SRBD1: variants seen among roughly 807,000 people sequenced by gnomAD.
The protein encoded by SRBD1 is S1 RNA-binding domain-containing protein 1.
A neutral mutation model predicts 115.3 loss-of-function variants in SRBD1; 88 were observed. The ratio of observed to expected loss-of-function variants is 0.76; its 90% confidence interval spans 0.64 to 0.91. The LOEUF is 0.91. SRBD1 is among the 40% of genes least tolerant of loss of function. The pLI is 0.00. For missense variants in SRBD1, 1,385 were observed against 1,177.4 expected (o/e 1.18, Z -2.58); for synonymous variants, 509 against 407.7 (o/e 1.25, Z -2.99).
At chr2:45,525,495 G>A (rs1462573845) in intron 14 of SRBD1, among the ~76,000 whole-genome samples, 1 of 151,920 alleles carries the variant, frequency 6.6e-6, no homozygotes, top group Non-Finnish European at 1.5e-5. Flanking sequence ...GTTATAGGAA[G>A]AATAAGTTTA....
At chr2:45,610,379 A>G (rs966217860) in intron 1 of SRBD1, among the ~76,000 whole-genome samples, 2 of 152,382 alleles carry the variant, frequency 1.3e-5, no homozygotes, top group African/African-American at 4.8e-5. Context: ...CTTGAATGTT[A>G]GCAGATTCCC....
intron 16 of SRBD1, among the ~76,000 whole-genome samples, chr2:45,438,245 C>T (rs904934117): frequency 6.6e-6 from 1 of 152,128 alleles, no homozygotes; most frequent in Non-Finnish European, 1.5e-5. Context: ...AGTTAATTAT[C>T]TGATTACCAG....
intron 3 of SRBD1, 49 bp from the exon 4 acceptor site, chr2:45,599,884 T>C (rs772589812): frequency 6.5e-7 from 1 of 1,539,278 alleles, no homozygotes; most frequent in South Asian, 1.2e-5. Context: ...TAAAAAGCAA[T>C]TTCCTGGGAC....
chr2:45,400,039 C>T (rs1324959695), intron 19 of SRBD1, among the ~76,000 whole-genome samples: 1 of 152,126 alleles, frequency 6.6e-6, no homozygotes, highest in Non-Finnish European at 1.5e-5. Flanking sequence ...GGGAAACAGC[C>T]TTTTTACTAT....
chr2:45,393,191 A>C, intron 19 of SRBD1, 62 bp from the exon 20 acceptor site: 1 of 1,472,518 alleles, frequency 6.8e-7, no homozygotes, highest in South Asian at 1.4e-5. Flanking sequence ...CAATCTCCTT[A>C]TACAGATCAC....
intron 14 of SRBD1, among the ~76,000 whole-genome samples, chr2:45,533,897 T>C (rs556324527): frequency 1.1e-4 from 16 of 152,170 alleles, no homozygotes; most frequent in South Asian, 2.1e-4. Flanking sequence ...AGAATCTTTA[T>C]TGGATCTGGC....
At position 45,573,221 on chromosome 2, in the gene SRBD1, T is replaced by G. The variant is rs376533311; in HGVS notation, c.1291A>C (p.Ile431Leu). The G allele has an allele frequency of 6.2e-7, 1 of 1,608,536 alleles. No individual in the cohort carries two copies. Among genetic ancestry groups the G allele is most frequent in the Non-Finnish European group, 8.5e-7 (1 of 1,178,134 alleles). Residue 431 changes from isoleucine (I) to leucine (L), a missense_variant, in exon 9 of 21, where the codon ATT (isoleucine) becomes CTT (leucine). By Grantham distance (5) the Ile-to-Leu change is conservative. Coordinates refer to ENST00000263736, the MANE Select transcript of SRBD1 (RefSeq NM_018079.5). ...TCTTTATTTACCTGATGATGGTGAA[T>G]GTTTCTTATGTTGCAGGAAAAATGC... is the stretch of plus-strand genomic sequence containing the variant. ...YQHFSCNIRN[I>L]HHHQILAINR...
At chr2:45,481,549 T>C (rs1057259728) in intron 15 of SRBD1, among the ~76,000 whole-genome samples, 20 of 152,094 alleles carry the variant, frequency 1.3e-4, no homozygotes, top group South Asian at 2.1e-4. Context: ...AGCAAAGTAA[T>C]AGAAGTCAAA....
At chr2:45,558,506 C>A (rs1435500509) in intron 10 of SRBD1, among the ~76,000 whole-genome samples, 1 of 151,852 alleles carries the variant, frequency 6.6e-6, no homozygotes, top group Admixed American at 6.6e-5. Flanking sequence ...TGAATCTGGA[C>A]CTAAATATTA....
chr2:45,475,441 C>G (rs1669776790), intron 16 of SRBD1, among the ~76,000 whole-genome samples: 1 of 152,180 alleles, frequency 6.6e-6, no homozygotes, highest in Non-Finnish European at 1.5e-5. Context: ...TAAACCTCTT[C>G]TATTACTTCT....
rs1669698190 is a variant in SRBD1 at position 45,473,047 on chromosome 2, G to T, written c.2049+3946C>A. On this transcript the variant is annotated intron_variant, in intron 16 of 20. Transcript: ENST00000263736. ...GTCTTAAGTTCTATTAATAGGGGAAGTTAGCCCATTCACTTTTAAATACCT... is the reference window on the plus strand; with the variant it reads ...GTCTTAAGTTCTATTAATAGGGGAATTTAGCCCATTCACTTTTAAATACCT... Among the ~76,000 whole-genome samples, 3 of 151,514 alleles carry T rather than the reference G, an allele frequency of 2.0e-5. No individual in the cohort carries two copies. The South Asian group carries it at 6.3e-4, about 32-fold the overall frequency.
intron 15 of SRBD1, among the ~76,000 whole-genome samples, chr2:45,485,517 A>C (rs1670091594): frequency 6.6e-6 from 1 of 152,182 alleles, no homozygotes; most frequent in South Asian, 2.1e-4. Flanking sequence ...TCCATAATAG[A>C]CAGTTTAATA....
At chr2:45,405,329 T>C (rs1416644073) in intron 19 of SRBD1, among the ~76,000 whole-genome samples, 1 of 152,172 alleles carries the variant, frequency 6.6e-6, no homozygotes, top group Non-Finnish European at 1.5e-5. Flanking sequence ...CTTTTTTGTT[T>C]GTCTTGTTTT....
intron 16 of SRBD1, among the ~76,000 whole-genome samples, chr2:45,422,135 A>G (rs1383513596): frequency 6.6e-6 from 1 of 152,214 alleles, no homozygotes; most frequent in African/African-American, 2.4e-5. Flanking sequence ...CAAACCGGAA[A>G]AAGGAAGAAT....
chr2:45,471,488 G>A (rs373015523), intron 16 of SRBD1, among the ~76,000 whole-genome samples: 1 of 152,106 alleles, frequency 6.6e-6, no homozygotes, highest in East Asian at 1.9e-4. Flanking sequence ...CAGTAAACTT[G>A]TGTATGAATC....
At chr2:45,459,841 C>A (rs540664544) in intron 16 of SRBD1, among the ~76,000 whole-genome samples, 12 of 152,254 alleles carry the variant, frequency 7.9e-5, no homozygotes, top group African/African-American at 2.9e-4. Flanking sequence ...GTTCTTTCCA[C>A]TAAACCACAC....
chr2:45,418,688 C>CA lies in SRBD1; in HGVS notation c.2157-148dup, dbSNP rs537420049. ...CCAAAAGGGAGTTTAAAAAAAAAAACAAAAAAAAAACGGAGAAAAAAAGAG... is the reference window on the plus strand; with the variant it reads ...CCAAAAGGGAGTTTAAAAAAAAAAACAAAAAAAAAAACGGAGAAAAAAAGAG... On this transcript the variant is annotated intron_variant, in intron 17 of 20. Transcript: ENST00000263736. 1,810 of 339,516 alleles carry CA rather than the reference C, an allele frequency of 5.3e-3. 3 individuals are homozygous for CA. The highest frequency in any genetic ancestry group is 9.4e-3 in the Middle Eastern group (9 of 958). The allele number at this position is 339,516 out of a possible 1,614,324, so 21.0% of individuals were successfully genotyped here.
At chr2:45,426,014 T>C (rs1486898791) in intron 16 of SRBD1, among the ~76,000 whole-genome samples, 1 of 151,704 alleles carries the variant, frequency 6.6e-6, no homozygotes, top group Non-Finnish European at 1.5e-5. Context: ...TTCACTCTCC[T>C]GGAAAGGGGG....
At chr2:45,416,748 T>C (rs905748779) in intron 18 of SRBD1, among the ~76,000 whole-genome samples, 2 of 152,212 alleles carry the variant, frequency 1.3e-5, no homozygotes, top group Non-Finnish European at 2.9e-5. Flanking sequence ...TTGTTCTTTT[T>C]TTATACTGTG....
Sources: allele counts gnomAD v4.1 joint callset (sites outside exome capture counted in the v4.1 genomes callset), GRCh38; gene constraint gnomAD v4.1.1; transcripts MANE v1.5; gene names NCBI Gene and HGNC (gene_info 2026-07-23, HGNC 2026-07-21).